The following HIP1 variants were observed in gnomAD, a reference collection of about 807,000 sequenced individuals.
The protein encoded by HIP1 is huntingtin interacting protein 1, also known as huntingtin-interacting protein 1.
In HIP1, 65 loss-of-function variants were observed where a neutral mutation model predicts 147.6. That is an observed-to-expected ratio of 0.44 (90% confidence interval 0.36 to 0.54). The LOEUF (loss-of-function observed/expected upper bound fraction) is 0.54, where lower values mean the gene tolerates loss of function less well. HIP1 is among the 20% of genes least tolerant of loss of function. The probability of loss-of-function intolerance (pLI) is 0.00; values close to 1 mark genes in which losing one functional copy is unlikely to be tolerated. For synonymous variants in HIP1, 479 were observed against 504.0 expected, an observed-to-expected ratio of 0.95 and a Z score of 0.67; for missense variants, 1,061 against 1,299.6, an observed-to-expected ratio of 0.82 and a Z score of 2.82.
intron 1 of HIP1, among the ~76,000 whole-genome samples, chr7:75,605,218 G>A (rs587669240): frequency 2.6e-5 from 4 of 152,254 alleles, no homozygotes; most frequent in East Asian, 1.9e-4. Flanking sequence ...ACCAGCACCC[G>A]CTCTGTACTG....
At chr7:75,606,655 CTG>C (rs1797235915) in intron 1 of HIP1, among the ~76,000 whole-genome samples, 1 of 151,862 alleles carries the variant, frequency 6.6e-6, no homozygotes, top group Non-Finnish European at 1.5e-5. Context: ...TGGGGAGACA[CTG>C]TAAGAAAAGG....
intron 4 of HIP1, among the ~76,000 whole-genome samples, chr7:75,590,000 TG>T (rs1554500442): frequency 1.3e-5 from 2 of 152,220 alleles, no homozygotes; most frequent in African/African-American, 2.4e-5. Context: ...CCCAAAGTGC[TG>T]GGATTACAGG....
intron 1 of HIP1, among the ~76,000 whole-genome samples, chr7:75,703,280 G>A (rs974359224): frequency 1.3e-5 from 2 of 151,890 alleles, no homozygotes; most frequent in Admixed American, 6.6e-5. Context: ...CCCAGGAGGC[G>A]GAGGTTGCAG....
In HIP1 at chr7:75,559,748, G is replaced by A. The variant is rs781904838; in HGVS notation, c.1359C>T (p.Ser453=). 16 of 1,570,904 alleles carry A rather than the reference G, an allele frequency of 1.0e-5. No homozygotes were observed. Among genetic ancestry groups the A allele is most frequent in the Non-Finnish European group, 1.3e-5 (15 of 1,160,654 alleles). Residue 453 remains serine (S), a synonymous_variant, in exon 14 of 31, where the codon AGC becomes AGT. Coordinates refer to ENST00000336926, the MANE Select transcript of HIP1 (RefSeq NM_005338.7). ...QREDTEKAQR[S]LSEIERKAQA... ...ACCGCTCACTTTCTATCTCAGACAG[G>A]CTCCGCTGAGCCTTCTCGGTGTCCT... is the stretch of plus-strand genomic sequence containing the variant.
At chr7:75,595,193 TTTC>T (rs1796648224) in intron 2 of HIP1, among the ~76,000 whole-genome samples, 1 of 42,428 alleles carries the variant, frequency 2.4e-5, no homozygotes, top group South Asian at 9.6e-4. Context: ...GAGTCCTTTC[TTTC>T]TTTCTTTCTT....
intron 1 of HIP1, among the ~76,000 whole-genome samples, chr7:75,702,361 G>A (rs1156776631): frequency 5.3e-5 from 8 of 152,082 alleles, no homozygotes; most frequent in African/African-American, 1.9e-4. Flanking sequence ...GCCTGCCTCG[G>A]CCTCCCAAAT....
chr7:75,703,709 C>A (rs1350907477), intron 1 of HIP1, among the ~76,000 whole-genome samples: 2 of 152,036 alleles, frequency 1.3e-5, no homozygotes, highest in Non-Finnish European at 2.9e-5. Flanking sequence ...CCATACTATT[C>A]ATCTACAATG....
At chr7:75,572,734 G>A (rs1795691212) in intron 8 of HIP1, among the ~76,000 whole-genome samples, 1 of 152,184 alleles carries the variant, frequency 6.6e-6, no homozygotes. Flanking sequence ...GTCCGGAGCA[G>A]GCAGGAACCC....
chr7:75,735,268 G>A (rs954770713), intron 1 of HIP1, among the ~76,000 whole-genome samples: 2 of 152,200 alleles, frequency 1.3e-5, no homozygotes, highest in Non-Finnish European at 2.9e-5. Flanking sequence ...TCAGTACTCA[G>A]AGGCTGCCTG....
chr7:75,553,669 C>T (rs1794878711), intron 21 of HIP1, 80 bp from the exon 22 acceptor site: 2 of 1,333,036 alleles, frequency 1.5e-6, no homozygotes, highest in East Asian at 4.9e-5. Flanking sequence ...GCAGTGGCGC[C>T]ATCTCGGCTC....
intron 22 of HIP1, among the ~76,000 whole-genome samples, chr7:75,549,918 C>T (rs1296586375): frequency 6.6e-6 from 1 of 151,310 alleles, no homozygotes; most frequent in Non-Finnish European, 1.5e-5. Flanking sequence ...TCAAGTGATC[C>T]TCCTGTCTTG....
intron 1 of HIP1, among the ~76,000 whole-genome samples, chr7:75,640,955 C>T (rs1225049330): frequency 1.1e-4 from 17 of 151,772 alleles, no homozygotes; most frequent in Non-Finnish European, 1.8e-4. Flanking sequence ...GAGTTCTTAT[C>T]GATGAAATTG....
At chr7:75,601,532 G>T (rs961202124) in intron 1 of HIP1, among the ~76,000 whole-genome samples, 1 of 151,708 alleles carries the variant, frequency 6.6e-6, no homozygotes, top group East Asian at 1.9e-4. Context: ...GGAGGCAGAG[G>T]TTGCAGTGAG....
intron 2 of HIP1, among the ~76,000 whole-genome samples, chr7:75,593,495 C>T (rs995785621): frequency 5.9e-5 from 9 of 151,812 alleles, no homozygotes; most frequent in African/African-American, 7.2e-5. Context: ...CTGGGCGTGG[C>T]GGTGGGCGCC....
chr7:75,577,258 G>A (rs1328806487), intron 7 of HIP1, among the ~76,000 whole-genome samples: 2 of 149,984 alleles, frequency 1.3e-5, no homozygotes, highest in South Asian at 2.1e-4. Context: ...TTGAGACCAG[G>A]GAGGTCAAGG....
At chr7:75,648,143 G>GGTAGCTGGGGCTGGTTGGA (rs1798862029) in intron 1 of HIP1, among the ~76,000 whole-genome samples, 3 of 152,208 alleles carry the variant, frequency 2.0e-5, no homozygotes, top group Admixed American at 1.3e-4. Flanking sequence ...GGCTGGCTGG[G>GGTAGCTGGGGCTGGTTGGA]GTAGCTGGGG....
intron 7 of HIP1, among the ~76,000 whole-genome samples, chr7:75,580,770 CT>C (rs1786515734): frequency 6.6e-6 from 1 of 151,716 alleles, no homozygotes; most frequent in African/African-American, 2.4e-5. Context: ...GAGATGAAGT[CT>C]TGCTGTATCA....
At chr7:75,651,962 T>C (rs928093142) in intron 1 of HIP1, among the ~76,000 whole-genome samples, 2 of 150,362 alleles carry the variant, frequency 1.3e-5, no homozygotes, top group African/African-American at 4.9e-5. Context: ...TGAGCTGAGA[T>C]TGCGCCACTG....
Position 75,730,809 on chromosome 7 carries a change from T to C in HIP1, c.120+7992A>G, listed in dbSNP as rs1248648133. On this transcript the variant is annotated intron_variant, in intron 1 of 30. Transcript: ENST00000336926. ...GTGCAGTGGTGTGATCTCGGCTCAA[T>C]GCAACCTCCCCACTTTCCGGGTTCA... Among the ~76,000 whole-genome samples, 4 of 148,790 alleles carry C rather than the reference T, an allele frequency of 2.7e-5. No individual in the cohort carries two copies. The South Asian group carries it at 8.5e-4, about 32-fold the overall frequency.
Sources: gnomAD v4.1 joint callset for allele counts (sites outside exome capture counted in the v4.1 genomes callset) on GRCh38, gnomAD v4.1.1 for gene constraint, MANE v1.5 for transcripts, NCBI Gene and HGNC (gene_info 2026-07-23, HGNC 2026-07-21) for gene names.